Variants in GRID2 observed in about 807,000 individuals in gnomAD.
GRID2 encodes the protein glutamate receptor ionotropic, delta-2.
A neutral mutation model predicts 114.8 loss-of-function variants in GRID2; 33 were observed. The observed-to-expected ratio is 0.29, with a 90% CI of 0.22 to 0.38. GRID2 has a LOEUF of 0.38. Among genes scored for constraint, GRID2 ranks in the 10% least tolerant of loss-of-function variants. The pLI, the probability that GRID2 is intolerant of heterozygous loss-of-function variation, is 1.00. For synonymous variants in GRID2, 505 were observed against 449.9 expected (o/e 1.12, Z -1.55); for missense variants, 1,184 against 1,257.7 (o/e 0.94, Z 0.89).
intron 2 of GRID2, among the ~76,000 whole-genome samples, chr4:92,869,268 T>C (rs539631166): frequency 6.6e-6 from 1 of 152,198 alleles, no homozygotes; most frequent in Non-Finnish European, 1.5e-5. Context: ...TAATTCAAGA[T>C]GAAATTTATC....
chr4:93,359,109 T>C (rs1450906478), intron 8 of GRID2, among the ~76,000 whole-genome samples: 1 of 152,088 alleles, frequency 6.6e-6, no homozygotes, highest in African/African-American at 2.4e-5. Context: ...ATAGCTGATC[T>C]GGGATACCTT....
intron 2 of GRID2, among the ~76,000 whole-genome samples, chr4:92,713,716 A>C (rs1735394615): frequency 6.6e-6 from 1 of 151,616 alleles, no homozygotes; most frequent in Non-Finnish European, 1.5e-5. Context: ...CAAGTGAAGA[A>C]AGTTTGTGCT....
intron 8 of GRID2, among the ~76,000 whole-genome samples, chr4:93,347,959 CG>C (rs1252155378): frequency 2.0e-5 from 3 of 152,004 alleles, no homozygotes; most frequent in East Asian, 3.9e-4. Flanking sequence ...GGGTCAGTGA[CG>C]TTTTTGGGGA....
intron 2 of GRID2, among the ~76,000 whole-genome samples, chr4:93,082,748 C>T (rs1729977968): frequency 6.6e-6 from 1 of 152,046 alleles, no homozygotes; most frequent in Non-Finnish European, 1.5e-5. Context: ...ATATGAATAG[C>T]ACGATAGGCA....
At chr4:93,295,764 G>A (rs1348948470) in intron 8 of GRID2, among the ~76,000 whole-genome samples, 1 of 152,128 alleles carries the variant, frequency 6.6e-6, no homozygotes, top group African/African-American at 2.4e-5. Context: ...AGGCTTTAAT[G>A]ACATTTTCAC....
chr4:92,305,573 G>C (rs1356756001), intron 1 of GRID2, among the ~76,000 whole-genome samples: 3 of 152,164 alleles, frequency 2.0e-5, no homozygotes, highest in Non-Finnish European at 2.9e-5. Context: ...GCGCAAGGCA[G>C]ACAGCGAAGG....
chr4:93,360,821 G>C (rs1761816479), intron 8 of GRID2, among the ~76,000 whole-genome samples: 1 of 151,558 alleles, frequency 6.6e-6, no homozygotes, highest in African/African-American at 2.4e-5. Flanking sequence ...TAGATGATTA[G>C]TGCCATTTTA....
intron 8 of GRID2, among the ~76,000 whole-genome samples, chr4:93,307,747 A>G (rs1755584001): frequency 6.6e-6 from 1 of 152,230 alleles, no homozygotes; most frequent in African/African-American, 2.4e-5. Flanking sequence ...CAAATATTTC[A>G]TAACTTATTA....
intron 2 of GRID2, among the ~76,000 whole-genome samples, chr4:92,810,118 C>A (rs969573089): frequency 2.0e-5 from 3 of 151,874 alleles, no homozygotes; most frequent in Admixed American, 6.6e-5. Context: ...TAATTTATAT[C>A]ATCTAATATT....
intron 8 of GRID2, among the ~76,000 whole-genome samples, chr4:93,338,110 T>C (rs185695336): frequency 3.9e-4 from 59 of 152,142 alleles, no homozygotes; most frequent in African/African-American, 1.4e-3. Flanking sequence ...AATGATGAAG[T>C]ATATGTCTAA....
intron 9 of GRID2, among the ~76,000 whole-genome samples, chr4:93,418,441 C>T (rs531058240): frequency 1.9e-3 from 287 of 152,078 alleles, no homozygotes; most frequent in Non-Finnish European, 3.6e-3. Flanking sequence ...TTTTCAACTG[C>T]GTAACAACAC....
At chr4:92,713,472 TATACATATA>T (rs1560547830) in intron 2 of GRID2, among the ~76,000 whole-genome samples, 2 of 71,836 alleles carry the variant, frequency 2.8e-5, no homozygotes, top group Non-Finnish European at 5.3e-5. Context: ...TACATATACA[TATACATATA>T]TATATATATA....
chr4:92,330,937 G>C (rs1424366474), intron 1 of GRID2, among the ~76,000 whole-genome samples: 1 of 152,040 alleles, frequency 6.6e-6, no homozygotes, highest in Non-Finnish European at 1.5e-5. Flanking sequence ...TCCTTTAAAA[G>C]TATGCACTGG....
chr4:93,682,770 G>T lies in GRID2; in HGVS notation c.2360+56335G>T, dbSNP rs527883167. 1.7e-3 allele frequency among the ~76,000 whole-genome samples: 248 copies of T among 148,754 alleles called. 3 individuals carry two copies. The highest frequency in any genetic ancestry group is 4.5e-3 in the African/African-American group (180 of 40,078). ...CACAGGAAGGGGAACATCACACTCT[G>T]GGGACTGTTGTGGGGTTGGGGGAGG... On this transcript the variant is annotated intron_variant, in intron 14 of 15. Coordinates refer to ENST00000282020, the MANE Select transcript of GRID2 (RefSeq NM_001510.4).
At chr4:92,507,053 T>C (rs1724013070) in intron 1 of GRID2, among the ~76,000 whole-genome samples, 1 of 151,828 alleles carries the variant, frequency 6.6e-6, no homozygotes, top group Admixed American at 6.6e-5. Context: ...CAAATCTCTT[T>C]GAAAAAAAGC....
At chr4:92,523,360 A>G (rs1458662334) in intron 1 of GRID2, among the ~76,000 whole-genome samples, 1 of 152,020 alleles carries the variant, frequency 6.6e-6, no homozygotes, top group African/African-American at 2.4e-5. Context: ...TAAATATTAG[A>G]GTAAAATTCT....
chr4:92,643,548 G>T (rs1731463736), intron 2 of GRID2, among the ~76,000 whole-genome samples: 1 of 151,592 alleles, frequency 6.6e-6, no homozygotes, highest in South Asian at 2.1e-4. Flanking sequence ...TAACATTTAG[G>T]CTGAGAGTCA....
At chr4:93,679,555 G>T (rs984735750) in intron 14 of GRID2, among the ~76,000 whole-genome samples, 5 of 150,742 alleles carry the variant, frequency 3.3e-5, no homozygotes, top group African/African-American at 1.2e-4. Context: ...AAATGTAAAA[G>T]AACAGAAATT....
chr4:93,465,149 A>G (rs1467748620), intron 11 of GRID2, among the ~76,000 whole-genome samples: 3 of 152,296 alleles, frequency 2.0e-5, no homozygotes, highest in Admixed American at 1.3e-4. Flanking sequence ...GAGGAAACAC[A>G]AGACACCACG....
Sources: allele counts gnomAD v4.1 joint callset (sites outside exome capture counted in the v4.1 genomes callset), GRCh38; gene constraint gnomAD v4.1.1; transcripts MANE v1.5; gene names NCBI Gene and HGNC (gene_info 2026-07-23, HGNC 2026-07-21).